SVOP: variants seen among roughly 807,000 people sequenced by gnomAD.
SVOP encodes synaptic vesicle 2-related protein.
A neutral mutation model predicts 69.1 loss-of-function variants in SVOP; 17 were observed. The ratio of observed to expected loss-of-function variants is 0.25; its 90% CI spans 0.17 to 0.37. The LOEUF is 0.37. SVOP is among the 10% of genes least tolerant of loss of function. The pLI is 1.00. For missense variants in SVOP, 435 were observed against 597.5 expected (o/e 0.73, Z 2.84); for synonymous variants, 238 against 238.6 (o/e 1.00, Z 0.02).
Position 108,968,155 on chromosome 12 carries a change from G to C in SVOP, c.453+4250C>G, listed in dbSNP as rs544913125. Reference sequence around the variant, plus strand: ...CTAGAGAGGATAAGAAAGTAGCAGAGAGTGGAAACAAGGAGGTCTGGTTCT... The same window carrying C: ...CTAGAGAGGATAAGAAAGTAGCAGACAGTGGAAACAAGGAGGTCTGGTTCT... On this transcript the variant is annotated intron_variant, in intron 5 of 15. Transcript: ENST00000610966. Among the ~76,000 whole-genome samples the C allele has an allele frequency of 2.0e-5, 3 of 152,346 alleles. No individual in the cohort carries two copies. In the East Asian group the frequency reaches 5.8e-4, roughly 29 times the overall value.
intron 15 of SVOP, among the ~76,000 whole-genome samples, chr12:108,914,326 G>A (rs1221755950): frequency 3.3e-5 from 5 of 152,148 alleles, no homozygotes; most frequent in Admixed American, 2.6e-4. Flanking sequence ...CCACTGAATT[G>A]TTCCCTTTAA....
At chr12:108,932,993 C>T (rs1000343162) in intron 11 of SVOP, among the ~76,000 whole-genome samples, 2 of 152,104 alleles carry the variant, frequency 1.3e-5, no homozygotes, top group Non-Finnish European at 2.9e-5. Flanking sequence ...ATTCTCCTGG[C>T]TTAGCCTCCT....
At chr12:108,979,758 T>A (rs904140741) in intron 2 of SVOP, among the ~76,000 whole-genome samples, 4 of 152,166 alleles carry the variant, frequency 2.6e-5, no homozygotes, top group African/African-American at 9.7e-5. Flanking sequence ...AAAACAACAC[T>A]CACTTTCCTA....
At chr12:108,940,590 T>C (rs2039884701) in intron 8 of SVOP, among the ~76,000 whole-genome samples, 194 bp downstream of exon 8, 1 of 152,064 alleles carries the variant, frequency 6.6e-6, no homozygotes, top group African/African-American at 2.4e-5. Context: ...ATCCCAGAAG[T>C]GTCTGTCTGG....
At chr12:109,010,993 CA>C (rs1163850341) in intron 1 of SVOP, among the ~76,000 whole-genome samples, 1 of 152,148 alleles carries the variant, frequency 6.6e-6, no homozygotes, top group Non-Finnish European at 1.5e-5. Flanking sequence ...CAGCTCACTT[CA>C]ACCTCTGCCT....
chr12:108,972,380 GTT>G, intron 5 of SVOP, 23 bp downstream of exon 5: 1 of 1,536,284 alleles, frequency 6.5e-7, no homozygotes, highest in South Asian at 1.2e-5. Flanking sequence ...GAGGACATGC[GTT>G]TAGAAGAGTA....
chr12:108,980,137 C>T lies in SVOP; in HGVS notation c.197-1474G>A, dbSNP rs1056463466. 9.1e-4 allele frequency among the ~76,000 whole-genome samples: 138 copies of T among 152,206 alleles called. No homozygotes were observed. The Middle Eastern group carries it at 0.027, about 30-fold the overall frequency. On this transcript the variant is annotated intron_variant, in intron 2 of 15. Transcript: ENST00000610966. ...AGGTTGCAGTGAGCTGTGATCATGCCACTGCACTCCAGCCTGGGTGACAGA... is the reference window on the plus strand; with the variant it reads ...AGGTTGCAGTGAGCTGTGATCATGCTACTGCACTCCAGCCTGGGTGACAGA...
At chr12:108,964,207 A>T (rs1319852682) in intron 5 of SVOP, among the ~76,000 whole-genome samples, 1 of 152,148 alleles carries the variant, frequency 6.6e-6, no homozygotes, top group East Asian at 1.9e-4. Context: ...TTAAATCAAA[A>T]AAAAGAAAGA....
intron 2 of SVOP, 48 bp from the exon 3 acceptor site, chr12:108,978,711 A>T: frequency 1.4e-6 from 1 of 700,996 alleles, no homozygotes; most frequent in Non-Finnish European, 2.6e-6. Context: ...TGCACCTTGC[A>T]GTTGTCCTAG....
chr12:109,010,097 C>G (rs1353941961), intron 1 of SVOP, among the ~76,000 whole-genome samples: 2 of 146,972 alleles, frequency 1.4e-5, no homozygotes, highest in African/African-American at 5.1e-5. Context: ...GCACTCCAGC[C>G]TGGGCAACAG....
At position 108,995,554 on chromosome 12, in the gene SVOP, AT is replaced by A. The variant is rs772725971; in HGVS notation, c.36-11794del. 1.4e-3 allele frequency among the ~76,000 whole-genome samples: 218 copies of A among 152,262 alleles called. 1 individual carries two copies. The highest frequency in any genetic ancestry group is 5.6e-3 in the Admixed American group (86 of 15,282). ...GAGTACAGTTGGGGAGGATGAAAAA[AT>A]TCTGGAGATGGATGATAGTGATGGT... On this transcript the variant is annotated intron_variant, in intron 1 of 15. Transcript: ENST00000610966.
chr12:108,922,912 GC>G, intron 11 of SVOP, 115 bp from the exon 12 acceptor site: 1 of 707,748 alleles, frequency 1.4e-6, no homozygotes, highest in Non-Finnish European at 2.4e-6. Context: ...CATAGAAAGA[GC>G]CCAGACTCAG....
At chr12:108,969,375 C>T (rs1415097340) in intron 5 of SVOP, among the ~76,000 whole-genome samples, 1 of 76,828 alleles carries the variant, frequency 1.3e-5, no homozygotes, top group Non-Finnish European at 2.4e-5. Context: ...TCCCCCTTTC[C>T]TTTTCTTTCT....
chr12:109,011,811 G>C (rs1000603625), intron 1 of SVOP, among the ~76,000 whole-genome samples: 8 of 152,160 alleles, frequency 5.3e-5, no homozygotes, highest in Admixed American at 3.9e-4. Flanking sequence ...CAACATGAAC[G>C]AACCTGGAGG....
At chr12:108,960,662 T>G (rs1178875311) in intron 6 of SVOP, among the ~76,000 whole-genome samples, 2 of 152,280 alleles carry the variant, frequency 1.3e-5, no homozygotes, top group East Asian at 3.9e-4. Context: ...AGTGGAACAG[T>G]CAATCAATGC....
chr12:108,999,780 A>G (rs373738715), intron 1 of SVOP, among the ~76,000 whole-genome samples: 4,049 of 150,132 alleles, frequency 0.027, 58 homozygotes, highest in Middle Eastern at 0.065. Context: ...CAAAGACACA[A>G]CATACCAGAA....
intron 13 of SVOP, among the ~76,000 whole-genome samples, chr12:108,918,436 C>G (rs7955796): frequency 2.6e-5 from 4 of 152,126 alleles, no homozygotes; most frequent in African/African-American, 9.7e-5. Context: ...GAGGGTGGAG[C>G]AGGAATTGAG....
intron 2 of SVOP, among the ~76,000 whole-genome samples, chr12:108,982,434 CCAT>C (rs1246923085): frequency 8.2e-5 from 12 of 145,886 alleles, no homozygotes; most frequent in South Asian, 6.8e-4. Flanking sequence ...ATCATGATCA[CCAT>C]CATCATCATC....
rs905211676 is a variant in SVOP, at chr12:109,020,821, C to T, written c.35+13G>A. Reference sequence around the variant, plus strand: ...AAGCCTGTCTGCCTCTTGCTCGCCCCCATGATACTCACGGCAGCTGCCTTA... The same window carrying T: ...AAGCCTGTCTGCCTCTTGCTCGCCCTCATGATACTCACGGCAGCTGCCTTA... On this transcript the variant is annotated intron_variant, in intron 1 of 15. Transcript: ENST00000610966. The T allele has an allele frequency of 3.0e-6, 2 of 677,690 alleles. No homozygotes were observed. The highest frequency in any genetic ancestry group is 4.1e-5 in the Admixed American group (2 of 48,578). 42.0% of individuals were successfully genotyped at this position (677,690 alleles called of 1,614,324 possible).
Sources: allele counts gnomAD v4.1 joint callset (sites outside exome capture counted in the v4.1 genomes callset), GRCh38; gene constraint gnomAD v4.1.1; transcripts MANE v1.5; gene names NCBI Gene and HGNC (gene_info 2026-07-23, HGNC 2026-07-21).